Variants in GALNT17 observed in about 807,000 individuals in gnomAD.
GALNT17 encodes the protein polypeptide N-acetylgalactosaminyltransferase 17, also known as UDP-GalNAc:polypeptide N-acetylgalactosaminyltransferase-like 3.
A neutral mutation model predicts 63.7 loss-of-function variants in GALNT17; 29 were observed. The ratio of observed to expected loss-of-function variants is 0.46; its 90% CI spans 0.34 to 0.62. The LOEUF (loss-of-function observed/expected upper bound fraction) is 0.62, where lower values mean the gene tolerates loss of function less well. Ranked by LOEUF, GALNT17 falls within the 20% of genes least tolerant of loss-of-function variation. The pLI is 0.01. For missense variants in GALNT17, 603 were observed against 799.6 expected (o/e 0.75, Z 2.97); for synonymous variants, 305 against 318.3 (o/e 0.96, Z 0.45).
chr7:71,481,964 A>C (rs1787825275), intron 5 of GALNT17, among the ~76,000 whole-genome samples: 1 of 152,134 alleles, frequency 6.6e-6, no homozygotes, highest in African/African-American at 2.4e-5. Flanking sequence ...AAGGAAAGAC[A>C]AAGTCAGTTC....
intron 6 of GALNT17, among the ~76,000 whole-genome samples, chr7:71,577,954 T>C (rs957984776): frequency 6.6e-6 from 1 of 152,138 alleles, no homozygotes; most frequent in Non-Finnish European, 1.5e-5. Flanking sequence ...CCAACTGAGA[T>C]CACATCAGCA....
At chr7:71,161,367 T>G (rs1788338539) in intron 1 of GALNT17, among the ~76,000 whole-genome samples, 2 of 152,336 alleles carry the variant, frequency 1.3e-5, no homozygotes, top group South Asian at 4.1e-4. Context: ...TTTGTAAAAT[T>G]TGAGGTCCTG....
rs1224569576 is a variant in GALNT17 at position 71,606,270 on chromosome 7, T to C, written c.1080+34868T>C. Among the ~76,000 whole-genome samples, 21 of 152,250 alleles carry C rather than the reference T, an allele frequency of 1.4e-4. No homozygotes were observed. The East Asian group carries it at 3.3e-3, about 24-fold the overall frequency. On this transcript the variant is annotated intron_variant, in intron 6 of 10. Transcript: ENST00000333538. Reference sequence around the variant, plus strand: ...GCGCCCAACCACTTACCCATTTAAATGCTTATGGACTGTGACTATTTTGAA... The same window carrying C: ...GCGCCCAACCACTTACCCATTTAAACGCTTATGGACTGTGACTATTTTGAA...
intron 2 of GALNT17, among the ~76,000 whole-genome samples, chr7:71,365,049 G>A (rs988470069): frequency 2.6e-5 from 4 of 151,928 alleles, no homozygotes; most frequent in Non-Finnish European, 5.9e-5. Flanking sequence ...TCCTGCCTCA[G>A]CCTCCCAAGT....
At chr7:71,413,109 TG>T (rs1793459280) in intron 3 of GALNT17, among the ~76,000 whole-genome samples, 1 of 152,204 alleles carries the variant, frequency 6.6e-6, no homozygotes, top group Non-Finnish European at 1.5e-5. Context: ...ACTGAAACTT[TG>T]ATGCTCATGA....
chr7:71,616,699 A>G (rs1373855324), intron 6 of GALNT17, among the ~76,000 whole-genome samples: 2 of 19,290 alleles, frequency 1.0e-4, no homozygotes, highest in African/African-American at 1.4e-4. Flanking sequence ...TATATAATAT[A>G]TTGTGATTGA....
At chr7:71,288,833 T>G (rs1265015552) in intron 1 of GALNT17, among the ~76,000 whole-genome samples, 1 of 152,210 alleles carries the variant, frequency 6.6e-6, no homozygotes, top group Non-Finnish European at 1.5e-5. Flanking sequence ...AATATTTTTT[T>G]GCTGGATCCA....
intron 5 of GALNT17, among the ~76,000 whole-genome samples, chr7:71,493,137 C>T (rs141753357): frequency 1.2e-4 from 19 of 152,314 alleles, no homozygotes; most frequent in African/African-American, 4.6e-4. Flanking sequence ...TGGAGCATCA[C>T]CTTGTCTTTG....
chr7:71,478,033 CATTTAGAGGGTGTAGG>C (rs890245478), intron 5 of GALNT17, among the ~76,000 whole-genome samples: 2 of 152,174 alleles, frequency 1.3e-5, no homozygotes, highest in African/African-American at 4.8e-5. Context: ...TGGCTGTGAA[CATTTAGAGGGTGTAGG>C]ATTTAGGGCT....
At position 71,472,193 on chromosome 7, in the gene GALNT17, C is replaced by T. The variant is rs77350323; in HGVS notation, c.962+51088C>T. On this transcript the variant is annotated intron_variant, in intron 5 of 10. Transcript: ENST00000333538. ...GGTCCCTTTTCTAAGGCATGGATCC[C>T]ACTCATGAGAACTCCATCCTCATGA... Among the ~76,000 whole-genome samples the T allele has an allele frequency of 6.6e-3, 1,005 of 152,170 alleles. 6 individuals are homozygous for T. Among genetic ancestry groups the T allele is most frequent in the African/African-American group, 0.021 (858 of 41,512 alleles).
chr7:71,270,305 C>T (rs767926530), intron 1 of GALNT17, among the ~76,000 whole-genome samples: 1 of 151,736 alleles, frequency 6.6e-6, no homozygotes, highest in African/African-American at 2.4e-5. Context: ...ATGCAGATCA[C>T]GAGGTCAGGA....
chr7:71,691,982 GCTCACTGT>G (rs1425847291), intron 9 of GALNT17, among the ~76,000 whole-genome samples: 6 of 151,608 alleles, frequency 4.0e-5, no homozygotes, highest in African/African-American at 1.5e-4. Context: ...CATAATCAGA[GCTCACTGT>G]AGCCGCGACC....
intron 5 of GALNT17, among the ~76,000 whole-genome samples, chr7:71,539,707 C>CTTTTTTTTTTTTTTT (rs71089953): frequency 5.6e-5 from 4 of 71,416 alleles, no homozygotes; most frequent in South Asian, 6.4e-4. Context: ...TTAGTCCCAC[C>CTTTTTTTTTTTTTTT]TTTTTTTTTT....
At chr7:71,613,792 ATTTT>A (rs56216543) in intron 6 of GALNT17, among the ~76,000 whole-genome samples, 2 of 132,394 alleles carry the variant, frequency 1.5e-5, no homozygotes, top group Non-Finnish European at 1.6e-5. Flanking sequence ...CATCTCTATG[ATTTT>A]TTTTTTTTTT....
intron 1 of GALNT17, among the ~76,000 whole-genome samples, chr7:71,290,089 T>C (rs1790953055): frequency 1.3e-5 from 2 of 152,146 alleles, no homozygotes; most frequent in African/African-American, 2.4e-5. Context: ...ATTTTAACCA[T>C]TTTGAAGTGT....
intron 5 of GALNT17, among the ~76,000 whole-genome samples, chr7:71,497,750 A>T (rs1788119076): frequency 6.6e-6 from 1 of 151,672 alleles, no homozygotes; most frequent in African/African-American, 2.4e-5. Context: ...ACTGCTGCCC[A>T]CTCCTGCTGT....
chr7:71,616,457 TAA>T (rs1790204612), intron 6 of GALNT17, among the ~76,000 whole-genome samples: 1 of 147,742 alleles, frequency 6.8e-6, no homozygotes, highest in Non-Finnish European at 1.5e-5. Flanking sequence ...ATTTATTTAG[TAA>T]ATATCATTAA....
At chr7:71,373,600 G>A (rs1792667360) in intron 2 of GALNT17, among the ~76,000 whole-genome samples, 1 of 151,942 alleles carries the variant, frequency 6.6e-6, no homozygotes, top group East Asian at 1.9e-4. Flanking sequence ...TCCCTCACTT[G>A]AGCTCTGGCT....
chr7:71,148,854 GTATTTTTATATATATATA>G (rs1489318524), intron 1 of GALNT17, among the ~76,000 whole-genome samples: 1 of 94,046 alleles, frequency 1.1e-5, no homozygotes, highest in African/African-American at 4.7e-5. Context: ...TAGTATTATG[GTATTTTTATATATATATA>G]TATATATATA....
Sources: gnomAD v4.1 joint callset for allele counts (sites outside exome capture counted in the v4.1 genomes callset) on GRCh38, gnomAD v4.1.1 for gene constraint, MANE v1.5 for transcripts, NCBI Gene and HGNC (gene_info 2026-07-23, HGNC 2026-07-21) for gene names.